OSBP2: variants seen among roughly 807,000 people sequenced by gnomAD.
OSBP2 encodes oxysterol binding protein 2, also known as oxysterol-binding protein 2.
In OSBP2, 66 loss-of-function variants were observed where a neutral mutation model predicts 96.0. The ratio of observed to expected loss-of-function variants is 0.69; its 90% CI spans 0.56 to 0.84. The LOEUF (loss-of-function observed/expected upper bound fraction) is 0.84, where lower values mean the gene tolerates loss of function less well. Among genes scored for constraint, OSBP2 ranks in the 40% least tolerant of loss-of-function variants. The pLI is 0.00. For missense variants in OSBP2, 1,038 were observed against 1,222.7 expected (o/e 0.85, Z 2.25); for synonymous variants, 525 against 520.9 (o/e 1.01, Z -0.11).
intron 8 of OSBP2, among the ~76,000 whole-genome samples, chr22:30,891,368 C>A (rs2039943773): frequency 6.6e-6 from 1 of 152,154 alleles, no homozygotes; most frequent in African/African-American, 2.4e-5. Flanking sequence ...ATGGACTCTG[C>A]CCCAGCCAGT....
At chr22:30,853,748 G>T in intron 2 of OSBP2, among the ~76,000 whole-genome samples, 1 of 149,896 alleles carries the variant, frequency 6.7e-6, no homozygotes, top group African/African-American at 2.5e-5. Flanking sequence ...TAGCTCATAA[G>T]CTATTCACCT....
intron 3 of OSBP2, among the ~76,000 whole-genome samples, chr22:30,879,042 G>T (rs1049204970): frequency 2.6e-5 from 4 of 152,206 alleles, no homozygotes; most frequent in African/African-American, 9.6e-5. Context: ...TTCTGATGTG[G>T]GGCATCATAG....
intron 2 of OSBP2, among the ~76,000 whole-genome samples, chr22:30,749,251 A>T (rs1444203005): frequency 6.6e-6 from 1 of 152,182 alleles, no homozygotes; most frequent in Non-Finnish European, 1.5e-5. Context: ...GTGTACTATT[A>T]TTTTTAAATC....
At chr22:30,786,767 G>A (rs2145818269) in intron 2 of OSBP2, among the ~76,000 whole-genome samples, 1 of 152,008 alleles carries the variant, frequency 6.6e-6, no homozygotes, top group African/African-American at 2.4e-5. Context: ...AGGCTGGAGA[G>A]ACTAGCAGGG....
At chr22:30,902,402 A>G (rs1232092889) in intron 12 of OSBP2, 3 of 1,567,302 alleles carry the variant, frequency 1.9e-6, no homozygotes, top group Non-Finnish European at 2.6e-6. Context: ...TTGACATACG[A>G]TGGTGCACTG....
intron 2 of OSBP2, among the ~76,000 whole-genome samples, chr22:30,812,250 C>G (rs552186844): frequency 6.6e-6 from 1 of 152,238 alleles, no homozygotes; most frequent in East Asian, 1.9e-4. Context: ...ACTGCAACCT[C>G]CTGCTTCCAG....
At chr22:30,725,267 G>A (rs918675732) in intron 1 of OSBP2, among the ~76,000 whole-genome samples, 4 of 151,934 alleles carry the variant, frequency 2.6e-5, no homozygotes, top group Non-Finnish European at 4.4e-5. Flanking sequence ...CACTTTGGGA[G>A]GCCAAGGCAG....
intron 2 of OSBP2, among the ~76,000 whole-genome samples, chr22:30,782,945 C>CT (rs1189976822): frequency 1.3e-5 from 2 of 152,054 alleles, no homozygotes; most frequent in Non-Finnish European, 2.9e-5. Flanking sequence ...GAGGAAGTGT[C>CT]AAACACAGGT....
chr22:30,704,471 T>C (rs2145673909), intron 1 of OSBP2, among the ~76,000 whole-genome samples: 1 of 151,982 alleles, frequency 6.6e-6, no homozygotes, highest in East Asian at 1.9e-4. Context: ...GTGGGCACCT[T>C]CTGTTTGGCA....
chr22:30,715,855 CCT>C (rs2089444580), intron 1 of OSBP2, among the ~76,000 whole-genome samples: 1 of 82,906 alleles, frequency 1.2e-5, no homozygotes. Context: ...CCACACCTAA[CCT>C]TTTTTTTTTT....
At chr22:30,778,637 CCT>C (rs942007788) in intron 2 of OSBP2, among the ~76,000 whole-genome samples, 3 of 152,048 alleles carry the variant, frequency 2.0e-5, no homozygotes, top group African/African-American at 7.2e-5. Context: ...CTTGATTTCC[CCT>C]GTCCTCTAGC....
At chr22:30,874,738 C>G (rs1016045698) in intron 3 of OSBP2, among the ~76,000 whole-genome samples, 4 of 152,238 alleles carry the variant, frequency 2.6e-5, no homozygotes, top group Admixed American at 2.0e-4. Flanking sequence ...GTGTTTCAAC[C>G]CCCCACGCCT....
In OSBP2 at chr22:30,734,979, T is replaced by G. The variant is rs536001102; in HGVS notation, c.645-6182T>G. On this transcript the variant is annotated intron_variant, in intron 1 of 13. Transcript: ENST00000332585. ...GCCAAGGTGGGAGGATAACTTGAGC[T>G]CAGGAGTTCAAGACCAGCCTAGGCA... Among the ~76,000 whole-genome samples, 18 of 152,266 alleles carry G rather than the reference T, an allele frequency of 1.2e-4. No homozygotes were observed. The East Asian group carries it at 3.5e-3, about 29-fold the overall frequency.
chr22:30,750,525 A>G (rs1602213345), intron 2 of OSBP2, among the ~76,000 whole-genome samples: 1 of 152,174 alleles, frequency 6.6e-6, no homozygotes, highest in South Asian at 2.1e-4. Context: ...AACCTGAAAG[A>G]CTGGTTCAGG....
At chr22:30,899,138 T>C (rs1249075858) in intron 12 of OSBP2, among the ~76,000 whole-genome samples, 1 of 152,018 alleles carries the variant, frequency 6.6e-6, no homozygotes, top group African/African-American at 2.4e-5. Context: ...CCCAGCACTT[T>C]GGAAAGCCAA....
intron 1 of OSBP2, among the ~76,000 whole-genome samples, chr22:30,721,974 G>A (rs1369918265): frequency 6.6e-6 from 1 of 152,186 alleles, no homozygotes; most frequent in African/African-American, 2.4e-5. Flanking sequence ...CCTATAGATT[G>A]TGGCTGCAGC....
At chr22:30,737,267 C>T (rs981529311) in intron 1 of OSBP2, among the ~76,000 whole-genome samples, 22 of 150,830 alleles carry the variant, frequency 1.5e-4, no homozygotes, top group Non-Finnish European at 2.9e-4. Context: ...CCTGCAGCCT[C>T]GGCGTCCCAA....
At chr22:30,740,662 G>A (rs2089925943) in intron 1 of OSBP2, among the ~76,000 whole-genome samples, 1 of 152,128 alleles carries the variant, frequency 6.6e-6, no homozygotes. Flanking sequence ...TGCAAAGGCA[G>A]TTTCATTTTT....
intron 12 of OSBP2, among the ~76,000 whole-genome samples, chr22:30,905,387 C>T (rs1048638036): frequency 2.6e-5 from 4 of 151,728 alleles, no homozygotes; most frequent in South Asian, 2.1e-4. Flanking sequence ...CGTGATCCAC[C>T]GGCCTCAGCC....
Sources: gnomAD v4.1 joint callset for allele counts (sites outside exome capture counted in the v4.1 genomes callset) on GRCh38, gnomAD v4.1.1 for gene constraint, MANE v1.5 for transcripts, NCBI Gene and HGNC (gene_info 2026-07-23, HGNC 2026-07-21) for gene names.